Variants in DYNC1I1 observed in about 807,000 individuals in gnomAD.
The protein encoded by DYNC1I1 is dynein cytoplasmic 1 intermediate chain 1.
A neutral mutation model predicts 86.6 loss-of-function variants in DYNC1I1; 43 were observed. The ratio of observed to expected loss-of-function variants is 0.50; its 90% CI spans 0.39 to 0.64. The LOEUF (loss-of-function observed/expected upper bound fraction) is 0.64, where lower values mean the gene tolerates loss of function less well. Ranked by LOEUF, DYNC1I1 falls within the 30% of genes least tolerant of loss-of-function variation. The pLI is 0.00. For synonymous variants in DYNC1I1, 262 were observed against 283.7 expected, an observed-to-expected ratio of 0.92 and a Z score of 0.77; for missense variants, 604 against 788.8, an observed-to-expected ratio of 0.77 and a Z score of 2.81.
In DYNC1I1 at chr7:95,810,428, G is replaced by T; in HGVS notation, c.145G>T (p.Asp49Tyr). The change falls in exon 3 of 17, where the codon GAC (aspartate) becomes TAC (tyrosine). Residue 49 changes from aspartate (D) to tyrosine (Y), a missense_variant. Physicochemically the swap from Asp to Tyr is radical, Grantham distance 160 (BLOSUM62 -3). Transcript: ENST00000447467. ...MQQKKEPVQD[D>Y]SDLDRKRRET... ...GCAGAAGAAAGAACCCGTTCAGGAC[G>T]ACTCTGATCTGGATCGCAAACGACG... is the stretch of plus-strand genomic sequence containing the variant. The T allele has an allele frequency of 6.2e-7, 1 of 1,612,752 alleles. No individual in the cohort carries two copies. Among genetic ancestry groups the T allele is most frequent in the South Asian group, 1.1e-5 (1 of 90,946 alleles).
At chr7:95,810,870 C>A (rs1562902630) in intron 3 of DYNC1I1, among the ~76,000 whole-genome samples, 1 of 152,090 alleles carries the variant, frequency 6.6e-6, no homozygotes, top group Non-Finnish European at 1.5e-5. Context: ...GTTCCAGTGT[C>A]TCTTTGCCAA....
chr7:95,977,245 G>A (rs777926097), intron 6 of DYNC1I1, among the ~76,000 whole-genome samples: 3 of 152,144 alleles, frequency 2.0e-5, no homozygotes, highest in South Asian at 2.1e-4. Flanking sequence ...GACATCCCAC[G>A]TGGTGAGGGC....
chr7:95,859,537 G>T (rs549821768), intron 5 of DYNC1I1, among the ~76,000 whole-genome samples: 13 of 152,338 alleles, frequency 8.5e-5, no homozygotes, highest in Non-Finnish European at 1.9e-4. Context: ...CAAAGCCCCA[G>T]TCCACTGTGG....
At chr7:95,799,233 G>A (rs2115764753) in intron 1 of DYNC1I1, among the ~76,000 whole-genome samples, 1 of 152,224 alleles carries the variant, frequency 6.6e-6, no homozygotes, top group South Asian at 2.1e-4. Context: ...ACAAAAATTA[G>A]CCGGGCCCAG....
intron 6 of DYNC1I1, among the ~76,000 whole-genome samples, chr7:95,955,240 A>T (rs1402136927): frequency 2.0e-5 from 3 of 152,192 alleles, no homozygotes; most frequent in African/African-American, 7.2e-5. Context: ...GTTGCCCACG[A>T]TAAAAATACA....
rs112243519 is a variant in DYNC1I1, at chr7:95,925,510, G to C, written c.491-52002G>C. On this transcript the variant is annotated intron_variant, in intron 6 of 16. Transcript: ENST00000447467. ...TTATAGCCTGCCAGCTGTGATTCTG[G>C]AAGTTTGGAATAGGTTCCTTCCCGA... Among the ~76,000 whole-genome samples the C allele has an allele frequency of 3.9e-3, 601 of 152,274 alleles. 2 individuals carry two copies. Among genetic ancestry groups the C allele is most frequent in the African/African-American group, 0.014 (574 of 41,568 alleles).
rs1790760909 is a variant in DYNC1I1, at chr7:95,892,265, T to C, written c.490+22267T>C. 3.3e-5 allele frequency among the ~76,000 whole-genome samples: 5 copies of C among 151,608 alleles called. No homozygotes were observed. In the South Asian group the frequency reaches 1.0e-3, roughly 32 times the overall value. ...AATTCTCCTGCCTCAGCCTCCTGAG[T>C]AGCTGGGATTAAAAGCACACACTGG... On this transcript the variant is annotated intron_variant, in intron 6 of 16. Coordinates refer to ENST00000447467, the MANE Select transcript of DYNC1I1 (RefSeq NM_001135556.2).
At chr7:95,927,389 G>A (rs775842746) in intron 6 of DYNC1I1, among the ~76,000 whole-genome samples, 8 of 152,120 alleles carry the variant, frequency 5.3e-5, no homozygotes, top group African/African-American at 1.2e-4. Flanking sequence ...CTACGGGAGC[G>A]TCACAAGGGA....
chr7:95,803,046 A>G (rs980913939), intron 1 of DYNC1I1, among the ~76,000 whole-genome samples: 1 of 152,238 alleles, frequency 6.6e-6, no homozygotes, highest in African/African-American at 2.4e-5. Flanking sequence ...TACACTGGGT[A>G]TCACAAAGTT....
chr7:95,787,801 T>C (rs947803963), intron 1 of DYNC1I1, among the ~76,000 whole-genome samples: 1 of 152,188 alleles, frequency 6.6e-6, no homozygotes, highest in African/African-American at 2.4e-5. Flanking sequence ...GCAGAGAAGA[T>C]GGCAATGCAG....
chr7:95,908,963 G>A (rs905895542), intron 6 of DYNC1I1, among the ~76,000 whole-genome samples: 3 of 151,822 alleles, frequency 2.0e-5, no homozygotes, highest in South Asian at 4.2e-4. Flanking sequence ...ACTATGGGAC[G>A]GCAGTGGGGG....
At chr7:95,793,728 G>T (rs1243089026) in intron 1 of DYNC1I1, among the ~76,000 whole-genome samples, 1 of 152,176 alleles carries the variant, frequency 6.6e-6, no homozygotes, top group Non-Finnish European at 1.5e-5. Flanking sequence ...ATGAGCTAAT[G>T]GTCCCAGCCT....
chr7:95,924,969 A>C (rs1200578363), intron 6 of DYNC1I1, among the ~76,000 whole-genome samples: 1 of 152,204 alleles, frequency 6.6e-6, no homozygotes, highest in Non-Finnish European at 1.5e-5. Context: ...TGATCTCTCA[A>C]GGAGAATGCA....
At chr7:95,831,810 T>C (rs1788911541) in intron 5 of DYNC1I1, among the ~76,000 whole-genome samples, 1 of 152,136 alleles carries the variant, frequency 6.6e-6, no homozygotes, top group Non-Finnish European at 1.5e-5. Context: ...TAAGTCTATT[T>C]AGGGCCTCTG....
At chr7:95,786,809 C>G (rs577905008) in intron 1 of DYNC1I1, among the ~76,000 whole-genome samples, 1 of 152,250 alleles carries the variant, frequency 6.6e-6, no homozygotes, top group Admixed American at 6.5e-5. Flanking sequence ...CAAAGTGTCA[C>G]AGTGTAGCAG....
intron 16 of DYNC1I1, among the ~76,000 whole-genome samples, chr7:96,105,233 C>CTACA (rs1325357040): frequency 4.6e-5 from 7 of 151,786 alleles, no homozygotes; most frequent in Admixed American, 3.9e-4. Context: ...TAATTGCTTA[C>CTACA]TACATACACA....
At chr7:95,993,308 C>A (rs1287245957) in intron 9 of DYNC1I1, among the ~76,000 whole-genome samples, 1 of 152,156 alleles carries the variant, frequency 6.6e-6, no homozygotes, top group Non-Finnish European at 1.5e-5. Flanking sequence ...AAAGCACTCC[C>A]TGTTTTCTAA....
At chr7:95,994,277 A>G (rs1349559404) in intron 9 of DYNC1I1, among the ~76,000 whole-genome samples, 1 of 152,218 alleles carries the variant, frequency 6.6e-6, no homozygotes, top group Non-Finnish European at 1.5e-5. Context: ...GGTCAACAAA[A>G]ACCAGTCCCT....
In DYNC1I1 at chr7:95,876,045, T is replaced by C. The variant is rs569911122; in HGVS notation, c.490+6047T>C. 3.9e-4 allele frequency among the ~76,000 whole-genome samples: 60 copies of C among 152,288 alleles called. No individual in the cohort carries two copies. In the East Asian group the frequency reaches 0.01, roughly 26 times the overall value. Reference sequence around the variant, plus strand: ...CTCACCTGTTCTTTTCTCAGTCTTATCATGCCAGTCACCCCCAGGGAGGCT... The same window carrying C: ...CTCACCTGTTCTTTTCTCAGTCTTACCATGCCAGTCACCCCCAGGGAGGCT... On this transcript the variant is annotated intron_variant, in intron 6 of 16. Transcript: ENST00000447467.
Sources: allele counts gnomAD v4.1 joint callset (sites outside exome capture counted in the v4.1 genomes callset), GRCh38; gene constraint gnomAD v4.1.1; transcripts MANE v1.5; gene names NCBI Gene and HGNC (gene_info 2026-07-23, HGNC 2026-07-21).